FBXL12: variants seen among roughly 807,000 people sequenced by gnomAD.
FBXL12 encodes the protein F-box/LRR-repeat protein 12.
A neutral mutation model predicts 24.9 loss-of-function variants in FBXL12; 22 were observed. The observed-to-expected ratio is 0.88, with a 90% CI of 0.63 to 1.26. The LOEUF (loss-of-function observed/expected upper bound fraction) is 1.26, where lower values mean the gene tolerates loss of function less well. FBXL12 is among the 50% of genes most tolerant of loss of function. The probability of loss-of-function intolerance (pLI) is 0.00; values close to 1 mark genes in which losing one functional copy is unlikely to be tolerated. For missense variants in FBXL12, 384 were observed against 434.1 expected, an observed-to-expected ratio of 0.88 and a Z score of 1.03; for synonymous variants, 193 against 193.8, an observed-to-expected ratio of 1.00 and a Z score of 0.03.
chr19:9,818,654 C>T (rs563206130), intron 1 of FBXL12, 37 bp from the exon 2 acceptor site: 2 of 1,547,994 alleles, frequency 1.3e-6, no homozygotes, highest in East Asian at 2.4e-5. Flanking sequence ...CGACCCCAGC[C>T]CCGGGCCACA....
At chr19:9,813,646 C>T (rs142757122) in intron 2 of FBXL12, among the ~76,000 whole-genome samples, 25 of 152,204 alleles carry the variant, frequency 1.6e-4, no homozygotes, top group African/African-American at 5.8e-4. Context: ...GTACTACAGG[C>T]GTATGCCACC....
At chr19:9,815,321 C>T (rs2045856208) in intron 2 of FBXL12, among the ~76,000 whole-genome samples, 1 of 152,228 alleles carries the variant, frequency 6.6e-6, no homozygotes, top group African/African-American at 2.4e-5. Flanking sequence ...TCTTGGCCAG[C>T]TCCGCCCCTT....
At position 9,811,678 on chromosome 19, in the gene FBXL12, T is replaced by C. The variant is rs759664959; in HGVS notation, c.199A>G (p.Met67Val). 9.2e-6 allele frequency: 14 copies of C among 1,515,284 alleles called. No homozygotes were observed. The highest frequency in any genetic ancestry group is 4.5e-5 in the Admixed American group (2 of 44,260). The allele number at this position is 1,515,284 out of a possible 1,614,324, so 93.9% of individuals were successfully genotyped here. ...KVMWHLLRRY[M>V]ASRLHSLRMG... Reference sequence around the variant, plus strand: ...CGCAGGGAATGGAGCCGGGATGCCATGTACCTTCGAAGGAGGTGCCACATG... The same window carrying C: ...CGCAGGGAATGGAGCCGGGATGCCACGTACCTTCGAAGGAGGTGCCACATG... Residue 67 changes from methionine (M) to valine (V), a missense_variant, in exon 3 of 3, where the codon ATG (methionine) becomes GTG (valine). By Grantham distance (21) the Met-to-Val change is conservative. Transcript: ENST00000247977. The surrounding 1 kb of genome is among the most constrained non-coding windows in gnomAD (Gnocchi z 6.0).
chr19:9,815,814 A>G (rs2045870219), intron 2 of FBXL12, among the ~76,000 whole-genome samples: 1 of 151,918 alleles, frequency 6.6e-6, no homozygotes, highest in Non-Finnish European at 1.5e-5. Context: ...GCCACCACGC[A>G]TTTGTTGTAT....
intron 2 of FBXL12, among the ~76,000 whole-genome samples, chr19:9,812,216 C>A (rs1178778339): frequency 6.6e-6 from 1 of 152,164 alleles, no homozygotes; most frequent in Non-Finnish European, 1.5e-5. Context: ...TCGTGAGCCA[C>A]TGCACTCGGC....
intron 2 of FBXL12, among the ~76,000 whole-genome samples, chr19:9,812,301 T>C (rs942920723): frequency 1.3e-5 from 2 of 151,042 alleles, no homozygotes; most frequent in African/African-American, 4.9e-5. Context: ...GAGGCTGAGG[T>C]GGATGGATCA....
chr19:9,812,413 C>A (rs1246155360), intron 2 of FBXL12, among the ~76,000 whole-genome samples: 1 of 151,676 alleles, frequency 6.6e-6, no homozygotes, highest in African/African-American at 2.4e-5. Context: ...CACCTGTAAT[C>A]CCAGCTACTC....
intron 2 of FBXL12, among the ~76,000 whole-genome samples, chr19:9,813,890 C>T (rs571389708): frequency 1.3e-5 from 2 of 150,564 alleles, no homozygotes; most frequent in South Asian, 2.1e-4. Flanking sequence ...CTGTCCACCT[C>T]GGCCTCCCAA....
chr19:9,818,861 G>C lies in FBXL12; in HGVS notation c.-48C>G, dbSNP rs939547355. On this transcript the variant is annotated 5_prime_UTR_variant, in exon 1 of 3. Transcript: ENST00000247977. ...GCTTCCGGTTAAAGAGACCCGAGGGGTCCTGGGGGCGCCGAGGCGGCTGAC... is the reference window on the plus strand; with the variant it reads ...GCTTCCGGTTAAAGAGACCCGAGGGCTCCTGGGGGCGCCGAGGCGGCTGAC... The C allele has an allele frequency of 6.7e-7, 1 of 1,496,720 alleles. No homozygotes were observed. The highest frequency in any genetic ancestry group is 2.5e-5 in the East Asian group (1 of 39,916). 92.7% of individuals were successfully genotyped at this position (1,496,720 alleles called of 1,614,324 possible).
At chr19:9,816,209 T>C (rs1277834365) in intron 2 of FBXL12, among the ~76,000 whole-genome samples, 3 of 152,196 alleles carry the variant, frequency 2.0e-5, no homozygotes, top group Non-Finnish European at 4.4e-5. Flanking sequence ...GTCTCTGACA[T>C]GGCCTGGAGA....
rs973583719 is a variant in FBXL12, at chr19:9,811,216, G to A, written c.661C>T (p.Leu221=). ...TCTCGGAGGTGGCGGCTGATGGCCA[G>A]CAGGGTGCTGTCGGCAGACAGGGTG... ...GCTLSADSTL[L]AISRHLRDVR... Residue 221 remains leucine, a synonymous_variant, in exon 3 of 3, where the codon CTG becomes TTG. Coordinates refer to ENST00000247977, the MANE Select transcript of FBXL12 (RefSeq NM_017703.3). This position sits in a 1 kb window ranked among gnomAD's most constrained non-coding sequence, Gnocchi z 6.0. 1.2e-6 allele frequency: 2 copies of A among 1,613,268 alleles called. No homozygotes were observed. Among genetic ancestry groups the A allele is most frequent in the African/African-American group, 2.7e-5 (2 of 74,920 alleles).
intron 2 of FBXL12, among the ~76,000 whole-genome samples, chr19:9,816,308 C>A (rs2045882456): frequency 6.6e-6 from 1 of 152,138 alleles, no homozygotes; most frequent in Non-Finnish European, 1.5e-5. Context: ...ATGGGTTTTT[C>A]TTTTCTATCA....
intron 2 of FBXL12, among the ~76,000 whole-genome samples, chr19:9,815,892 G>A (rs1337512113): frequency 1.3e-5 from 2 of 152,088 alleles, no homozygotes; most frequent in African/African-American, 2.4e-5. Context: ...CAAGTGATCC[G>A]CCTGCCTTGG....
At chr19:9,816,439 G>A (rs976039755) in intron 2 of FBXL12, among the ~76,000 whole-genome samples, 1 of 152,078 alleles carries the variant, frequency 6.6e-6, no homozygotes, top group Admixed American at 6.5e-5. Context: ...TCTTCCACTA[G>A]ATACCCTAAA....
At chr19:9,813,652 C>T (rs890355478) in intron 2 of FBXL12, among the ~76,000 whole-genome samples, 3 of 152,126 alleles carry the variant, frequency 2.0e-5, no homozygotes, top group Non-Finnish European at 4.4e-5. Flanking sequence ...CAGGCGTATG[C>T]CACCATGCCC....
At chr19:9,812,478 T>C (rs112124298) in intron 2 of FBXL12, among the ~76,000 whole-genome samples, 24,100 of 135,832 alleles carry the variant, frequency 0.18, 3,666 homozygotes, top group African/African-American at 0.43. Flanking sequence ...TTGCAGTGAG[T>C]CGATATCGCA....
At chr19:9,818,705 TC>T in intron 1 of FBXL12, 22 bp downstream of exon 1, 2 of 1,541,884 alleles carry the variant, frequency 1.3e-6, no homozygotes, top group Non-Finnish European at 1.8e-6. Context: ...GCCCTGCCCT[TC>T]CCCCCGGAGG....
At position 9,818,525 on chromosome 19, in the gene FBXL12, G is replaced by C. The variant is rs765823129; in HGVS notation, c.159+20C>G. 3.9e-6 allele frequency: 6 copies of C among 1,539,546 alleles called. No homozygotes were observed. In the South Asian group the frequency reaches 7.1e-5, roughly 18 times the overall value. ...GGCACCGCGACCGCGGCCCAGGCCCGCCCGGCCAGCTGCGCGTACCGTGTA... is the reference window on the plus strand; with the variant it reads ...GGCACCGCGACCGCGGCCCAGGCCCCCCCGGCCAGCTGCGCGTACCGTGTA... On this transcript the variant is annotated intron_variant, in intron 2 of 2. Coordinates refer to ENST00000247977, the MANE Select transcript of FBXL12 (RefSeq NM_017703.3).
intron 2 of FBXL12, chr19:9,813,330 G>T (rs945439663): frequency 1.9e-6 from 2 of 1,080,646 alleles, no homozygotes; most frequent in African/African-American, 3.3e-5. Flanking sequence ...GCTTACAAAG[G>T]TGTTTCTTTT....
Sources: allele counts gnomAD v4.1 joint callset (sites outside exome capture counted in the v4.1 genomes callset), GRCh38; gene constraint gnomAD v4.1.1; non-coding constraint Gnocchi (gnomAD v3.1); transcripts MANE v1.5; gene names NCBI Gene and HGNC (gene_info 2026-07-23, HGNC 2026-07-21).